The following TASP1 variants were observed in gnomAD, a reference collection of about 807,000 sequenced individuals.
The protein encoded by TASP1 is taspase 1, also known as threonine aspartase 1.
A neutral mutation model predicts 56.6 loss-of-function variants in TASP1; 16 were observed. The ratio of observed to expected loss-of-function variants is 0.28; its 90% CI spans 0.19 to 0.43. The LOEUF is 0.43. TASP1 is among the 20% of genes least tolerant of loss of function. The pLI is 1.00. For missense variants in TASP1, 393 were observed against 511.6 expected (o/e 0.77, Z 2.24); for synonymous variants, 179 against 184.2 (o/e 0.97, Z 0.23).
the TASP1 span, among the ~76,000 whole-genome samples, chr20:13,253,024 T>C: frequency 4.6e-5 from 7 of 152,194 alleles, no homozygotes; most frequent in Non-Finnish European, 8.8e-5. Context: ...AACCTGTCCT[T>C]CCCCATGGAC....
chr20:13,143,834 C>G, the TASP1 span, among the ~76,000 whole-genome samples: 1 of 152,184 alleles, frequency 6.6e-6, no homozygotes, highest in African/African-American at 2.4e-5. Flanking sequence ...TTTGCCAATT[C>G]CTTTGTCTTC....
At chr20:13,292,090 C>T in the TASP1 span, among the ~76,000 whole-genome samples, 1 of 152,306 alleles carries the variant, frequency 6.6e-6, no homozygotes, top group Admixed American at 6.5e-5. Context: ...ACATGTGTCC[C>T]CCACTGCCCA....
At chr20:13,608,907 G>C (rs1266970330) in intron 4 of TASP1, among the ~76,000 whole-genome samples, 1 of 152,218 alleles carries the variant, frequency 6.6e-6, no homozygotes, top group South Asian at 2.1e-4. Flanking sequence ...CAGTAAACAC[G>C]AGAGTGAAAA....
At chr20:13,182,462 G>A in the TASP1 span, among the ~76,000 whole-genome samples, 1 of 152,036 alleles carries the variant, frequency 6.6e-6, no homozygotes, top group Non-Finnish European at 1.5e-5. Context: ...TTTCCATGAG[G>A]GGTAACCAGC....
At chr20:13,227,572 G>A in the TASP1 span, among the ~76,000 whole-genome samples, 10 of 133,750 alleles carry the variant, frequency 7.5e-5, no homozygotes, top group South Asian at 1.2e-3. Context: ...GCAGTGGCGC[G>A]ATCTTGGCTC....
At chr20:13,274,557 A>G in the TASP1 span, among the ~76,000 whole-genome samples, 1 of 152,020 alleles carries the variant, frequency 6.6e-6, no homozygotes, top group Non-Finnish European at 1.5e-5. Flanking sequence ...CCACCCCTTC[A>G]GGCTCTGGAA....
the TASP1 span, among the ~76,000 whole-genome samples, chr20:13,200,614 T>A: frequency 6.6e-6 from 1 of 152,090 alleles, no homozygotes. Flanking sequence ...ATAAATCCAC[T>A]TGACTTAATT....
At chr20:13,576,327 GAGAAAGAAAGAAAGGAAGAAAGAAAGAA>G (rs2046911258) in intron 6 of TASP1, among the ~76,000 whole-genome samples, 2 of 122,724 alleles carry the variant, frequency 1.6e-5, no homozygotes, top group African/African-American at 6.2e-5. Flanking sequence ...AGAAAGAAAA[GAGAAAGAAAGAAAGGAAGAAAGAAAGAA>G]AGAAAGAAAG....
chr20:13,393,219 G>A, intron 13 of TASP1: 2 of 726,206 alleles, frequency 2.8e-6, no homozygotes. Flanking sequence ...CGCTATCACT[G>A]CCACCCAGAA....
At chr20:13,467,793 G>T (rs2044320862) in intron 11 of TASP1, among the ~76,000 whole-genome samples, 1 of 152,174 alleles carries the variant, frequency 6.6e-6, no homozygotes, top group East Asian at 1.9e-4. Context: ...AAGATGGGTA[G>T]ATCAACTGAG....
intron 12 of TASP1, among the ~76,000 whole-genome samples, chr20:13,418,846 T>G (rs1485745072): frequency 6.6e-6 from 1 of 152,178 alleles, no homozygotes; most frequent in Non-Finnish European, 1.5e-5. Flanking sequence ...ATAACCAGAA[T>G]TGAATGAGGA....
chr20:13,469,531 T>C (rs2044391582), intron 11 of TASP1, among the ~76,000 whole-genome samples: 1 of 152,096 alleles, frequency 6.6e-6, no homozygotes, highest in Non-Finnish European at 1.5e-5. Flanking sequence ...GTAATAAAAT[T>C]TTTTTCTTTT....
chr20:13,595,526 G>A (rs113434885), intron 4 of TASP1, among the ~76,000 whole-genome samples: 10 of 152,272 alleles, frequency 6.6e-5, no homozygotes, highest in African/African-American at 2.4e-4. Context: ...AAGGGGTGGA[G>A]GAAGATCTAA....
At chr20:13,337,966 G>C in the TASP1 span, among the ~76,000 whole-genome samples, 1 of 152,170 alleles carries the variant, frequency 6.6e-6, no homozygotes, top group Non-Finnish European at 1.5e-5. Flanking sequence ...TACCAGAAAA[G>C]GGTCCTGATC....
chr20:13,128,836 G>A, the TASP1 span, among the ~76,000 whole-genome samples: 1 of 150,202 alleles, frequency 6.7e-6, no homozygotes, highest in African/African-American at 2.5e-5. Context: ...GACTACAGGT[G>A]TGCACCAACA....
At chr20:13,339,483 C>T in the TASP1 span, among the ~76,000 whole-genome samples, 1 of 152,122 alleles carries the variant, frequency 6.6e-6, no homozygotes, top group Non-Finnish European at 1.5e-5. Flanking sequence ...GATATTTTCC[C>T]CAGACTCAGA....
chr20:13,294,559 A>G, the TASP1 span, among the ~76,000 whole-genome samples: 1 of 152,198 alleles, frequency 6.6e-6, no homozygotes. Flanking sequence ...GGCTAAGGAC[A>G]CCAGAGCTGA....
the TASP1 span, among the ~76,000 whole-genome samples, chr20:13,306,334 GAA>G: frequency 1.3e-5 from 2 of 152,042 alleles, no homozygotes; most frequent in Non-Finnish European, 2.9e-5. Context: ...ATTTGCCATG[GAA>G]GAGAACAGTC....
chr20:13,399,456 C>T (rs374635204), intron 13 of TASP1, among the ~76,000 whole-genome samples: 1 of 152,124 alleles, frequency 6.6e-6, no homozygotes, highest in East Asian at 1.9e-4. Flanking sequence ...AGTCTTTTCC[C>T]CCAACTTCAC....
Sources: gnomAD v4.1 joint callset for allele counts (sites outside exome capture counted in the v4.1 genomes callset) on GRCh38, gnomAD v4.1.1 for gene constraint, MANE v1.5 for transcripts, NCBI Gene and HGNC (gene_info 2026-07-23, HGNC 2026-07-21) for gene names.